Variants in GPAT4 observed in about 807,000 individuals in gnomAD.
GPAT4 encodes the protein glycerol-3-phosphate acyltransferase 4.
A neutral mutation model predicts 58.0 loss-of-function variants in GPAT4; 17 were observed. The observed-to-expected ratio is 0.29, with a 90% CI of 0.20 to 0.44. The LOEUF (loss-of-function observed/expected upper bound fraction) is 0.44. Among genes scored for constraint, GPAT4 ranks in the 20% least tolerant of loss-of-function variants. The pLI is 1.00. For synonymous variants in GPAT4, 204 were observed against 210.1 expected (o/e 0.97, Z 0.25); for missense variants, 377 against 574.5 (o/e 0.66, Z 3.51).
chr8:41,607,822 C>T (rs1173580653), intron 2 of GPAT4, among the ~76,000 whole-genome samples: 1 of 152,162 alleles, frequency 6.6e-6, no homozygotes, highest in Non-Finnish European at 1.5e-5. Flanking sequence ...AGCCCCACTG[C>T]GTCTGGCCCC....
chr8:41,603,184 G>A lies in GPAT4; in HGVS notation c.165+3880G>A, dbSNP rs571204955. 3.4e-3 allele frequency among the ~76,000 whole-genome samples: 513 copies of A among 152,204 alleles called. 1 individual carries two copies. Among genetic ancestry groups the A allele is most frequent in the South Asian group, 0.016 (75 of 4,816 alleles). Reference sequence around the variant, plus strand: ...GTTCAGAGATCGTCTTCATTTTGCCGTTCTCCCTCCTGTCAGTGCATTTAA... The same window carrying A: ...GTTCAGAGATCGTCTTCATTTTGCCATTCTCCCTCCTGTCAGTGCATTTAA... On this transcript the variant is annotated intron_variant, in intron 2 of 12. Transcript: ENST00000396987.
intron 1 of GPAT4, among the ~76,000 whole-genome samples, chr8:41,596,961 G>C (rs976764563): frequency 6.6e-6 from 1 of 152,172 alleles, no homozygotes; most frequent in Non-Finnish European, 1.5e-5. Flanking sequence ...AGCAAGCAGG[G>C]AGTACGTGAC....
chr8:41,612,195 A>G lies in GPAT4; in HGVS notation c.717A>G (p.Arg239=). 6.2e-7 allele frequency: 1 copy of G among 1,614,244 alleles called. No individual in the cohort carries two copies. The highest frequency in any genetic ancestry group is 8.5e-7 in the Non-Finnish European group (1 of 1,180,042). ...ITYHDRENRP[R]NGGICVANHT... is the part of the protein sequence containing the mutation. ...TTAAACCCAGGGAAAACAGACCAAG[A>G]AATGGTGGCATCTGTGTGGCCAATC... The change falls in exon 7 of 13, where the codon AGA becomes AGG. Residue 239 remains arginine, a synonymous_variant. Transcript: ENST00000396987.
intron 5 of GPAT4, 119 bp from the exon 6 acceptor site, chr8:41,611,784 G>A (rs1324927973): frequency 1.2e-6 from 1 of 818,846 alleles, no homozygotes; most frequent in African/African-American, 1.7e-5. Flanking sequence ...TCCTGTAGGT[G>A]CTGATGTCTA....
chr8:41,588,421 T>A (rs914898125), intron 1 of GPAT4, among the ~76,000 whole-genome samples: 7 of 151,520 alleles, frequency 4.6e-5, no homozygotes, highest in Non-Finnish European at 7.4e-5. Flanking sequence ...AGAATTGGTA[T>A]AGATGCCTTG....
intron 12 of GPAT4, chr8:41,619,243 G>T (rs1334957241): frequency 1.5e-5 from 8 of 518,166 alleles, no homozygotes; most frequent in Middle Eastern, 1.0e-3. Flanking sequence ...CCTGGACAGT[G>T]CCCATCTCTG....
chr8:41,595,538 T>A (rs1436310382), intron 1 of GPAT4, among the ~76,000 whole-genome samples: 1 of 152,196 alleles, frequency 6.6e-6, no homozygotes, highest in Non-Finnish European at 1.5e-5. Context: ...GCCTCAGTGC[T>A]TTCGGGCTAA....
chr8:41,595,288 G>C (rs1036821147), intron 1 of GPAT4, among the ~76,000 whole-genome samples: 1 of 145,578 alleles, frequency 6.9e-6, no homozygotes, highest in Non-Finnish European at 1.5e-5. Context: ...AAACCTGCTG[G>C]GTTAAGGGAA....
Position 41,621,105 on chromosome 8 carries a change from C to A in GPAT4, c.*104C>A. ...GCTGTGTCCTTTCCAGACTCCAGGG[C>A]TCCCCGGGCTGCTCTGGATCCCAGG... On this transcript the variant is annotated 3_prime_UTR_variant, in exon 13 of 13. Coordinates refer to ENST00000396987, the MANE Select transcript of GPAT4 (RefSeq NM_178819.4). 1 of 1,456,586 alleles carries A rather than the reference C, an allele frequency of 6.9e-7. No homozygotes were observed. 90.2% of individuals were successfully genotyped at this position (1,456,586 alleles called of 1,614,324 possible).
intron 1 of GPAT4, among the ~76,000 whole-genome samples, chr8:41,580,283 A>G (rs1802478198): frequency 6.6e-6 from 1 of 152,228 alleles, no homozygotes; most frequent in Admixed American, 6.5e-5. Context: ...AACGGTGTAG[A>G]TAACATTCAC....
chr8:41,583,343 G>A (rs1280901157), intron 1 of GPAT4, among the ~76,000 whole-genome samples: 2 of 151,220 alleles, frequency 1.3e-5, no homozygotes, highest in African/African-American at 4.9e-5. Context: ...CATTAACCAA[G>A]CTCTCAACGT....
At chr8:41,594,268 G>A (rs1433960198) in intron 1 of GPAT4, among the ~76,000 whole-genome samples, 3 of 152,016 alleles carry the variant, frequency 2.0e-5, no homozygotes, top group East Asian at 1.9e-4. Context: ...TACAATTAAC[G>A]TTTTAAAACT....
intron 1 of GPAT4, among the ~76,000 whole-genome samples, chr8:41,589,362 GGA>G (rs1236341758): frequency 3.9e-4 from 16 of 41,070 alleles, no homozygotes; most frequent in African/African-American, 2.0e-3. Context: ...GGGTGTGGCG[GGA>G]TGGGATGGGG....
chr8:41,581,702 C>G (rs1160074336), intron 1 of GPAT4, among the ~76,000 whole-genome samples: 1 of 148,270 alleles, frequency 6.7e-6, no homozygotes, highest in African/African-American at 2.5e-5. Flanking sequence ...AATCTCGGCT[C>G]ACTGCAAGCT....
In GPAT4 at chr8:41,624,229, G is replaced by C. The variant is rs1041433221; in HGVS notation, c.*3228G>C. 1 of 152,272 alleles carries C rather than the reference G, an allele frequency of 6.6e-6. No individual in the cohort carries two copies. Among genetic ancestry groups the C allele is most frequent in the Middle Eastern group, 3.2e-3 (1 of 316 alleles). 9.4% of individuals were successfully genotyped at this position (152,272 alleles called of 1,614,324 possible). A position where few individuals can be genotyped will look rare whatever the true frequency, so the allele number is the denominator to read the frequency against. On this transcript the variant is annotated 3_prime_UTR_variant, in exon 13 of 13. Coordinates refer to ENST00000396987, the MANE Select transcript of GPAT4 (RefSeq NM_178819.4). ...CTTCACCGTGTCAGAATCCGTCCCT[G>C]GTGCTGCCTTTCAGAGAAGAGGCTT...
intron 10 of GPAT4, among the ~76,000 whole-genome samples, chr8:41,618,165 A>G (rs1214122411): frequency 6.6e-6 from 1 of 152,214 alleles, no homozygotes; most frequent in Non-Finnish European, 1.5e-5. Flanking sequence ...GCTTTCTAAT[A>G]GTTTCCTCCC....
At chr8:41,594,526 A>G (rs1802870178) in intron 1 of GPAT4, among the ~76,000 whole-genome samples, 1 of 149,700 alleles carries the variant, frequency 6.7e-6, no homozygotes, top group South Asian at 2.1e-4. Flanking sequence ...ATATGTCTCA[A>G]CTTTCTGACT....
chr8:41,601,310 TGAG>T (rs1042072832), intron 2 of GPAT4, among the ~76,000 whole-genome samples: 3 of 152,154 alleles, frequency 2.0e-5, no homozygotes, highest in African/African-American at 7.2e-5. Flanking sequence ...TATTAAAATT[TGAG>T]GAGTAGTGAT....
At chr8:41,596,716 C>T (rs758734876) in intron 1 of GPAT4, among the ~76,000 whole-genome samples, 5 of 152,210 alleles carry the variant, frequency 3.3e-5, no homozygotes, top group Non-Finnish European at 5.9e-5. Context: ...TAAGGGGCTG[C>T]CTTGGCCTTC....
Sources: allele counts gnomAD v4.1 joint callset (sites outside exome capture counted in the v4.1 genomes callset), GRCh38; gene constraint gnomAD v4.1.1; transcripts MANE v1.5; gene names NCBI Gene and HGNC (gene_info 2026-07-23, HGNC 2026-07-21).